SLC4A4: variants seen among roughly 807,000 people sequenced by gnomAD.
SLC4A4 encodes solute carrier family 4 member 4, also known as electrogenic sodium bicarbonate cotransporter 1.
Under a neutral mutation model 111.5 loss-of-function variants are expected in SLC4A4, and 27 were observed. That is an observed-to-expected ratio of 0.24 (90% CI 0.18 to 0.33). The LOEUF is 0.33. SLC4A4 is among the 10% of genes least tolerant of loss of function. The pLI is 1.00. For missense variants in SLC4A4, 909 were observed against 1,315.5 expected (o/e 0.69, Z 4.78); for synonymous variants, 443 against 463.4 (o/e 0.96, Z 0.57).
intron 6 of SLC4A4, among the ~76,000 whole-genome samples, chr4:71,361,170 A>C (rs999605766): frequency 6.6e-6 from 1 of 152,210 alleles, no homozygotes; most frequent in African/African-American, 2.4e-5. Context: ...TTATAACAGT[A>C]AAAATCAATG....
At chr4:71,240,338 C>T (rs1438256965) in intron 2 of SLC4A4, among the ~76,000 whole-genome samples, 2 of 152,204 alleles carry the variant, frequency 1.3e-5, no homozygotes, top group Non-Finnish European at 2.9e-5. Flanking sequence ...TAACTCCCAG[C>T]AGGCCTTGGC....
chr4:71,387,190 A>G (rs1718818485), intron 6 of SLC4A4, among the ~76,000 whole-genome samples: 1 of 152,082 alleles, frequency 6.6e-6, no homozygotes, highest in Non-Finnish European at 1.5e-5. Flanking sequence ...TGCAGGGAAG[A>G]TGTTCTCTTT....
intron 3 of SLC4A4, among the ~76,000 whole-genome samples, chr4:71,262,001 G>A (rs1721892238): frequency 6.6e-6 from 1 of 152,160 alleles, no homozygotes. Context: ...CTTTAGTGAA[G>A]TAAATGGGGT....
At chr4:71,156,395 G>A (rs1447601544) in intron 2 of SLC4A4, among the ~76,000 whole-genome samples, 2 of 152,094 alleles carry the variant, frequency 1.3e-5, no homozygotes, top group East Asian at 3.9e-4. Context: ...AGGTACACAT[G>A]TCATGCTTTT....
At chr4:71,073,467 C>T (rs1741720895) in intron 1 of SLC4A4, among the ~76,000 whole-genome samples, 1 of 152,138 alleles carries the variant, frequency 6.6e-6, no homozygotes, top group South Asian at 2.1e-4. Flanking sequence ...AAGGGTGCCT[C>T]ATATGTTTGA....
In SLC4A4 at chr4:71,299,186, C is replaced by A. The variant is rs189341025; in HGVS notation, c.254-40184C>A. Among the ~76,000 whole-genome samples, 162 of 152,234 alleles carry A rather than the reference C, an allele frequency of 1.1e-3. 2 individuals carry two copies. Among genetic ancestry groups the A allele is most frequent in the Non-Finnish European group, 4.7e-4 (32 of 68,026 alleles). On this transcript the variant is annotated intron_variant, in intron 3 of 25. Coordinates refer to ENST00000264485, the MANE Select transcript of SLC4A4 (RefSeq NM_001098484.3). ...TGGTGTGAAGGATATATGACTTCAG[C>A]CAATTGACTACTGACCAGTCTTTCT...
chr4:71,138,192 A>G (rs1743896532), intron 2 of SLC4A4, among the ~76,000 whole-genome samples: 2 of 152,180 alleles, frequency 1.3e-5, no homozygotes. Context: ...ACACAGTCAG[A>G]GGGGTCAATA....
At chr4:71,240,325 A>G (rs879533584) in intron 2 of SLC4A4, among the ~76,000 whole-genome samples, 12 of 152,202 alleles carry the variant, frequency 7.9e-5, no homozygotes, top group Non-Finnish European at 1.6e-4. Context: ...CTGCAAGGCT[A>G]GGTAACTCCC....
intron 3 of SLC4A4, among the ~76,000 whole-genome samples, chr4:71,282,946 G>A (rs1425519242): frequency 6.6e-6 from 1 of 152,092 alleles, no homozygotes; most frequent in Non-Finnish European, 1.5e-5. Flanking sequence ...ACTGGTGACT[G>A]GATTTTTCCG....
chr4:71,559,430 C>T (rs10755174), intron 22 of SLC4A4, among the ~76,000 whole-genome samples: 28,751 of 151,626 alleles, frequency 0.19, 3,656 homozygotes, highest in East Asian at 0.57. Context: ...GGACAACATA[C>T]TTAATGTCTC....
chr4:71,280,440 G>A (rs1196262111), intron 3 of SLC4A4, among the ~76,000 whole-genome samples: 1 of 152,144 alleles, frequency 6.6e-6, no homozygotes, highest in Non-Finnish European at 1.5e-5. Context: ...TGTTGCTTGT[G>A]CTTTTGGTAT....
intron 2 of SLC4A4, among the ~76,000 whole-genome samples, chr4:71,094,949 T>G (rs146918413): frequency 5.3e-4 from 81 of 152,312 alleles, no homozygotes; most frequent in African/African-American, 1.8e-3. Context: ...ATTAATTAGG[T>G]GTACTTTTTT....
At chr4:71,330,785 G>A (rs1727913360) in intron 3 of SLC4A4, among the ~76,000 whole-genome samples, 1 of 152,032 alleles carries the variant, frequency 6.6e-6, no homozygotes, top group Non-Finnish European at 1.5e-5. Context: ...ACTACCATCA[G>A]AGTGAACAGG....
At chr4:71,454,612 G>A (rs1726056677) in intron 12 of SLC4A4, among the ~76,000 whole-genome samples, 1 of 151,544 alleles carries the variant, frequency 6.6e-6, no homozygotes, top group South Asian at 2.1e-4. Flanking sequence ...TTTCTTTCCT[G>A]GGCACATGCA....
intron 19 of SLC4A4, 95 bp from the exon 20 acceptor site, chr4:71,547,553 G>A: frequency 1.0e-6 from 1 of 988,236 alleles, no homozygotes; most frequent in South Asian, 1.3e-5. Flanking sequence ...GCCAAACATT[G>A]ATTTTGTCAA....
intron 6 of SLC4A4, among the ~76,000 whole-genome samples, chr4:71,372,678 C>T (rs1000680193): frequency 2.0e-5 from 3 of 152,220 alleles, no homozygotes; most frequent in Admixed American, 6.5e-5. Flanking sequence ...ATCTTATGCA[C>T]ATTCCTGGCA....
chr4:71,119,704 G>A (rs919074945), intron 2 of SLC4A4, among the ~76,000 whole-genome samples: 3 of 152,070 alleles, frequency 2.0e-5, no homozygotes, highest in Admixed American at 2.0e-4. Flanking sequence ...CATTAGTACT[G>A]GGAAGCTGTT....
rs943833527 is a variant in SLC4A4 at position 71,498,028 on chromosome 4, C to A, written c.2166+336C>A. Among the ~76,000 whole-genome samples, 3 of 152,090 alleles carry A rather than the reference C, an allele frequency of 2.0e-5. No individual in the cohort carries two copies. In the South Asian group the frequency reaches 6.2e-4, roughly 32 times the overall value. On this transcript the variant is annotated intron_variant, in intron 16 of 25. Coordinates refer to ENST00000264485, the MANE Select transcript of SLC4A4 (RefSeq NM_001098484.3). ...AATTCATTGTGTTTAAGTACATAAT[C>A]AAAAACTCTTCATGTTTATCAGGAA...
intron 20 of SLC4A4, among the ~76,000 whole-genome samples, chr4:71,548,554 G>A (rs1376845816): frequency 6.6e-6 from 1 of 151,538 alleles, no homozygotes; most frequent in Non-Finnish European, 1.5e-5. Flanking sequence ...TTGATAGTTT[G>A]TATCTTATGC....
Sources: gnomAD v4.1 joint callset for allele counts (sites outside exome capture counted in the v4.1 genomes callset) on GRCh38, gnomAD v4.1.1 for gene constraint, MANE v1.5 for transcripts, NCBI Gene and HGNC (gene_info 2026-07-23, HGNC 2026-07-21) for gene names.